The following CEP15 variants were observed in gnomAD, a reference collection of about 807,000 sequenced individuals.
CEP15 encodes the protein centrosomal protein 15 kDa.
chr3:62,330,512 T>C, the CEP15 span, among the ~76,000 whole-genome samples: 10 of 152,288 alleles, frequency 6.6e-5, no homozygotes, highest in East Asian at 1.5e-3. Flanking sequence ...TTTCTGGGCA[T>C]TTACTTCATG....
the CEP15 span, among the ~76,000 whole-genome samples, chr3:62,326,014 C>T: frequency 2.4e-5 from 3 of 125,142 alleles, no homozygotes; most frequent in Non-Finnish European, 4.8e-5. Flanking sequence ...CAGAGTGAGA[C>T]TTCGTCTCAA....
chr3:62,331,057 G>C, the CEP15 span, among the ~76,000 whole-genome samples: 259 of 152,176 alleles, frequency 1.7e-3, 1 homozygote, highest in African/African-American at 6.0e-3. Context: ...ATGAATTACT[G>C]ACATTTACTA....
At chr3:62,326,798 G>T in the CEP15 span, among the ~76,000 whole-genome samples, 1 of 152,084 alleles carries the variant, frequency 6.6e-6, no homozygotes, top group Admixed American at 6.6e-5. Context: ...TATTTTGAAG[G>T]TATTCTCCAG....
At chr3:62,321,917 G>GT in the CEP15 span, 122 of 1,557,216 alleles carry the variant, frequency 7.8e-5, no homozygotes, top group Admixed American at 3.8e-4. This position sits in a 1 kb window ranked among gnomAD's most constrained non-coding sequence, Gnocchi z 4.1. Context: ...TATAATCTTC[G>GT]TTTTTTTTCT....
the CEP15 span, chr3:62,321,917 G>GTT: frequency 6.4e-7 from 1 of 1,558,348 alleles, no homozygotes; most frequent in Non-Finnish European, 8.7e-7. The surrounding 1 kb of genome is among the most constrained non-coding windows in gnomAD (Gnocchi z 4.1). Flanking sequence ...TATAATCTTC[G>GTT]TTTTTTTTCT....
the CEP15 span, chr3:62,333,128 ATATG>A: frequency 2.4e-6 from 2 of 819,734 alleles, no homozygotes; most frequent in Non-Finnish European, 3.8e-6. This position sits in a 1 kb window ranked among gnomAD's most constrained non-coding sequence, Gnocchi z 4.0. Flanking sequence ...CATTCTACAT[ATATG>A]TGTGTGTGTG....
chr3:62,320,547 T>C, the CEP15 span: 9 of 1,580,888 alleles, frequency 5.7e-6, no homozygotes, highest in Middle Eastern at 1.7e-4. Flanking sequence ...AAAGGGATGA[T>C]TCAGATATAG....
the CEP15 span, among the ~76,000 whole-genome samples, chr3:62,324,674 G>A: frequency 2.6e-5 from 4 of 152,144 alleles, no homozygotes; most frequent in South Asian, 8.3e-4. Context: ...AAACCATAGG[G>A]CAATTACTCC....
At chr3:62,322,311 G>A in the CEP15 span, 23 of 314,306 alleles carry the variant, frequency 7.3e-5, no homozygotes, top group Middle Eastern at 1.9e-3. The surrounding 1 kb of genome is among the most constrained non-coding windows in gnomAD (Gnocchi z 5.5). Context: ...AGAAGGAATT[G>A]TAAGGTCACC....
chr3:62,330,374 T>C, the CEP15 span, among the ~76,000 whole-genome samples: 1 of 152,146 alleles, frequency 6.6e-6, no homozygotes, highest in African/African-American at 2.4e-5. Context: ...AAAATTTATA[T>C]GGCCTGTGAC....
chr3:62,328,981 A>G, the CEP15 span, among the ~76,000 whole-genome samples: 2 of 150,466 alleles, frequency 1.3e-5, no homozygotes, highest in Non-Finnish European at 1.5e-5. Flanking sequence ...TTTTAAGTCT[A>G]GGGAAAGACA....
chr3:62,322,411 C>T, the CEP15 span: 1 of 179,844 alleles, frequency 5.6e-6, no homozygotes, highest in African/African-American at 2.4e-5. This position sits in a 1 kb window ranked among gnomAD's most constrained non-coding sequence, Gnocchi z 5.5. Flanking sequence ...CATAAAGTAC[C>T]TATAAGATAT....
chr3:62,330,239 C>A, the CEP15 span, among the ~76,000 whole-genome samples: 2 of 152,166 alleles, frequency 1.3e-5, no homozygotes, highest in Non-Finnish European at 2.9e-5. Context: ...TCACACCCCA[C>A]TCCCACGCCC....
the CEP15 span, among the ~76,000 whole-genome samples, chr3:62,329,673 T>C: frequency 2.0e-5 from 3 of 152,208 alleles, no homozygotes; most frequent in South Asian, 6.2e-4. Context: ...CTCCTATTTG[T>C]ATCTGCTTTT....
At chr3:62,328,161 G>T in the CEP15 span, among the ~76,000 whole-genome samples, 1 of 152,250 alleles carries the variant, frequency 6.6e-6, no homozygotes, top group Middle Eastern at 3.4e-3. Context: ...TGTTGTTGTT[G>T]TTAAGATAAA....
At chr3:62,325,966 A>G in the CEP15 span, among the ~76,000 whole-genome samples, 1 of 150,578 alleles carries the variant, frequency 6.6e-6, no homozygotes, top group Admixed American at 6.6e-5. Flanking sequence ...AGGGGGTTGC[A>G]GTGAGCGAGA....
At chr3:62,332,093 C>T in the CEP15 span, among the ~76,000 whole-genome samples, 1 of 152,026 alleles carries the variant, frequency 6.6e-6, no homozygotes, top group African/African-American at 2.4e-5. Context: ...AGGCAGTGAT[C>T]AAGGATACAA....
chr3:62,328,686 G>A, the CEP15 span, among the ~76,000 whole-genome samples: 1 of 151,822 alleles, frequency 6.6e-6, no homozygotes, highest in South Asian at 2.1e-4. Context: ...AAAAAGTTTT[G>A]GTTTATAATC....
chr3:62,324,807 T>A, the CEP15 span, among the ~76,000 whole-genome samples: 1 of 152,214 alleles, frequency 6.6e-6, no homozygotes, highest in Non-Finnish European at 1.5e-5. Context: ...GTACAAAATA[T>A]GGATGACCTC....
Sources: gnomAD v4.1 joint callset for allele counts (sites outside exome capture counted in the v4.1 genomes callset) on GRCh38, gnomAD v4.1.1 for gene constraint, Gnocchi (gnomAD v3.1) non-coding constraint, MANE v1.5 for transcripts, NCBI Gene and HGNC (gene_info 2026-07-23, HGNC 2026-07-21) for gene names.